The following CDK13 variants were observed in gnomAD, a reference collection of about 807,000 sequenced individuals.
CDK13 encodes cyclin dependent kinase 13, also known as cyclin-dependent kinase 13.
Under a neutral mutation model 137.6 loss-of-function variants are expected in CDK13, and 40 were observed. The ratio of observed to expected loss-of-function variants is 0.29; its 90% confidence interval spans 0.23 to 0.38. The LOEUF is 0.38. CDK13 is among the 10% of genes least tolerant of loss of function. The pLI is 1.00. For synonymous variants in CDK13, 869 were observed against 760.1 expected, an observed-to-expected ratio of 1.14 and a Z score of -2.36; for missense variants, 1,704 against 1,951.8, an observed-to-expected ratio of 0.87 and a Z score of 2.39.
At chr7:40,056,137 C>T (rs1786016429) in intron 7 of CDK13, among the ~76,000 whole-genome samples, 3 of 152,248 alleles carry the variant, frequency 2.0e-5, no homozygotes, top group East Asian at 1.9e-4. Flanking sequence ...ACTCCACCTA[C>T]GTTGGAACTT....
intron 9 of CDK13, among the ~76,000 whole-genome samples, chr7:40,064,768 A>C (rs1786239824): frequency 6.6e-6 from 1 of 150,578 alleles, no homozygotes; most frequent in Non-Finnish European, 1.5e-5. Context: ...GAAACATAGA[A>C]AACTTTTATG....
chr7:40,066,027 AAAAC>A (rs748504075), intron 9 of CDK13, among the ~76,000 whole-genome samples: 2 of 152,154 alleles, frequency 1.3e-5, no homozygotes, highest in Non-Finnish European at 2.9e-5. Context: ...TCTACAAATT[AAAAC>A]AAACAAACAA....
At chr7:39,972,181 A>G (rs1313069732) in intron 1 of CDK13, among the ~76,000 whole-genome samples, 1 of 152,244 alleles carries the variant, frequency 6.6e-6, no homozygotes, top group East Asian at 1.9e-4. Context: ...CAAATCTGCA[A>G]AAAGTCAGCC....
chr7:40,023,272 TG>T (rs1785167687), intron 5 of CDK13, among the ~76,000 whole-genome samples: 1 of 152,024 alleles, frequency 6.6e-6, no homozygotes, highest in Non-Finnish European at 1.5e-5. Flanking sequence ...TTTGTGTTTC[TG>T]GTAGAGGAGA....
At chr7:39,992,070 TACACACACACAC>T (rs148046155) in intron 2 of CDK13, among the ~76,000 whole-genome samples, 225 of 147,082 alleles carry the variant, frequency 1.5e-3, no homozygotes, top group Middle Eastern at 7.0e-3. Flanking sequence ...GAAAAAATTA[TACACACACACAC>T]ACACACACAC....
intron 1 of CDK13, among the ~76,000 whole-genome samples, chr7:39,962,113 T>G (rs1783758329): frequency 2.0e-5 from 3 of 152,354 alleles, no homozygotes; most frequent in Admixed American, 2.0e-4. Flanking sequence ...GCATGTGTCT[T>G]TATAGCAGCA....
chr7:40,062,640 G>A (rs1032726245), intron 7 of CDK13, 186 bp from the exon 8 acceptor site: 3 of 579,644 alleles, frequency 5.2e-6, no homozygotes, highest in Non-Finnish European at 9.2e-6. Context: ...AGTTAAACAG[G>A]TTGCCCTCAC....
chr7:40,040,493 T>G (rs1212880103), intron 5 of CDK13, among the ~76,000 whole-genome samples: 1 of 152,252 alleles, frequency 6.6e-6, no homozygotes, highest in Non-Finnish European at 1.5e-5. Context: ...GTTACTTTGC[T>G]ATTCTTAATT....
chr7:39,997,532 A>G lies in CDK13; in HGVS notation c.1910A>G (p.Glu637Gly). ...ATTTCAGTAAAAGCAGTTAAAAAAG[A>G]AGTAGAAAAGAAACTCCGATGTCTT... is the stretch of plus-strand genomic sequence containing the variant. ...GNISVKAVKK[E>G]VEKKLRCLLA... The change falls in exon 3 of 14, where the codon GAA becomes GGA. Residue 637 changes from glutamate to glycine, a missense_variant. By Grantham distance (98) the Glu-to-Gly change is moderately conservative (BLOSUM62 -2). Around this residue, in one of 5 missense-constraint regions of CDK13, gnomAD observed 1,051 missense variants for 931.0 expected, o/e 1.13. Transcript: ENST00000181839. The G allele has an allele frequency of 6.2e-7, 1 of 1,601,996 alleles. No individual in the cohort carries two copies. The highest frequency in any genetic ancestry group is 8.5e-7 in the Non-Finnish European group (1 of 1,177,386).
chr7:40,021,110 T>TACACACAC (rs1284247106), intron 5 of CDK13, among the ~76,000 whole-genome samples: 197 of 81,930 alleles, frequency 2.4e-3, no homozygotes, highest in East Asian at 0.02. Context: ...AACGTATATA[T>TACACACAC]ATATATATAT....
At chr7:40,074,527 A>G (rs1786499093) in intron 9 of CDK13, among the ~76,000 whole-genome samples, 1 of 151,282 alleles carries the variant, frequency 6.6e-6, no homozygotes. Context: ...CATCTCAAAA[A>G]AAAAAAAAAA....
chr7:39,956,529 A>G (rs1421518594), intron 1 of CDK13, among the ~76,000 whole-genome samples: 1 of 152,054 alleles, frequency 6.6e-6, no homozygotes, highest in Non-Finnish European at 1.5e-5. Context: ...AGTTTTCTTA[A>G]TATCTTTGTT....
chr7:40,097,520 GTAGGT>G lies in CDK13; in HGVS notation c.*2543_*2547del, dbSNP rs1338125317. On this transcript the variant is annotated 3_prime_UTR_variant, in exon 14 of 14. Transcript: ENST00000181839. ...ACAAAGTTGGGAAATCACTAGTTCT[GTAGGT>G]TATAACAGCAGTCATCGCTGAAAAT... The G allele has an allele frequency of 2.0e-5, 3 of 152,058 alleles. No homozygotes were observed. The highest frequency in any genetic ancestry group is 4.4e-5 in the Non-Finnish European group (3 of 67,968). The allele number at this position is 152,058 out of a possible 1,614,324, so 9.4% of individuals were successfully genotyped here.
chr7:40,059,949 C>G (rs1039320700), intron 7 of CDK13, among the ~76,000 whole-genome samples: 3 of 152,158 alleles, frequency 2.0e-5, no homozygotes, highest in African/African-American at 7.2e-5. Flanking sequence ...CTAACAGAAA[C>G]TAAGCATTTG....
At chr7:40,093,618 A>G (rs987454001) in intron 13 of CDK13, among the ~76,000 whole-genome samples, 4 of 152,168 alleles carry the variant, frequency 2.6e-5, no homozygotes, top group African/African-American at 9.7e-5. Flanking sequence ...TAAAAAGCCA[A>G]TTACGGCTGG....
intron 1 of CDK13, among the ~76,000 whole-genome samples, chr7:39,981,481 A>T (rs906252918): frequency 1.4e-4 from 21 of 152,224 alleles, no homozygotes; most frequent in African/African-American, 4.8e-4. Context: ...ATAGTTTTAA[A>T]GATGCACTTC....
At chr7:39,988,721 CTT>C (rs1784393445) in intron 2 of CDK13, among the ~76,000 whole-genome samples, 1 of 152,066 alleles carries the variant, frequency 6.6e-6, no homozygotes, top group Non-Finnish European at 1.5e-5. Flanking sequence ...TTTCTTAACT[CTT>C]TTAATTAAAA....
intron 12 of CDK13, chr7:40,092,535 G>A (rs1310886466): frequency 6.7e-6 from 3 of 447,076 alleles, no homozygotes; most frequent in Non-Finnish European, 1.2e-5. Flanking sequence ...TTTTAGTAGT[G>A]GTCTTGATTT....
chr7:40,022,009 T>G (rs1279957830), intron 5 of CDK13, among the ~76,000 whole-genome samples: 6 of 152,192 alleles, frequency 3.9e-5, no homozygotes, highest in Non-Finnish European at 5.9e-5. Flanking sequence ...TTTTTACTCT[T>G]TATATTCCTA....
Sources: allele counts gnomAD v4.1 joint callset (sites outside exome capture counted in the v4.1 genomes callset), GRCh38; gene constraint gnomAD v4.1.1; regional missense constraint gnomAD v4.1.1; transcripts MANE v1.5; gene names NCBI Gene and HGNC (gene_info 2026-07-23, HGNC 2026-07-21).